The following TLR2 variants were observed in gnomAD, a reference collection of about 807,000 sequenced individuals.
TLR2 encodes the protein toll-like receptor 2.
In TLR2, 7 loss-of-function variants were observed where a neutral mutation model predicts 9.1. The ratio of observed to expected loss-of-function variants is 0.77; its 90% CI spans 0.44 to 1.44. The LOEUF (loss-of-function observed/expected upper bound fraction) is 1.44. Ranked by LOEUF, TLR2 falls within the 40% of genes most tolerant of loss-of-function variation. The pLI, the probability that TLR2 is intolerant of heterozygous loss-of-function variation, is 0.01. For missense variants in TLR2, 812 were observed against 904.6 expected (o/e 0.90, Z 1.31); for synonymous variants, 317 against 344.6 (o/e 0.92, Z 0.89).
rs374122287 is a variant in TLR2 at position 153,704,247 on chromosome 4, G to A, written c.1340G>A (p.Arg447Gln). 217 of 1,614,024 alleles carry A rather than the reference G, an allele frequency of 1.3e-4. No individual in the cohort carries two copies. The Admixed American group carries it at 3.5e-3, about 26-fold the overall frequency. Residue 447 changes from arginine to glutamine, a missense_variant, in exon 3 of 3, where the codon CGA becomes CAA. Coordinates refer to ENST00000642700, the MANE Select transcript of TLR2 (RefSeq NM_001318789.2). Reference protein sequence around the residue: ...KMKYLNLSSTRIHSVTGCIPK... With the variant: ...KMKYLNLSSTQIHSVTGCIPK... Reference sequence around the variant, plus strand: ...AAATATTTGAACTTATCCAGCACACGAATACACAGTGTAACAGGCTGCATT... The same window carrying A: ...AAATATTTGAACTTATCCAGCACACAAATACACAGTGTAACAGGCTGCATT...
rs1369244926 is a variant in TLR2, at chr4:153,704,177, A to T, written c.1270A>T (p.Ser424Cys). Residue 424 changes from serine (S) to cysteine (C), a missense_variant, in exon 3 of 3, where the codon AGT (serine) becomes TGT (cysteine). Coordinates refer to ENST00000642700, the MANE Select transcript of TLR2 (RefSeq NM_001318789.2). ...GACTAACATTGATATCAGTAAGAAT[A>T]GTTTTCATTCTATGCCTGAAACTTG... ...NLTNIDISKNSFHSMPETCQW... is the reference protein window; with the variant it reads ...NLTNIDISKNCFHSMPETCQW... 3.7e-6 allele frequency: 6 copies of T among 1,613,916 alleles called. No homozygotes were observed. The highest frequency in any genetic ancestry group is 3.3e-4 in the Middle Eastern group (2 of 6,084).
rs1006696453 is a variant in TLR2 at position 153,705,484 on chromosome 4, T to C, written c.*222T>C. The C allele has an allele frequency of 8.6e-5, 39 of 453,304 alleles. No individual in the cohort carries two copies. The highest frequency in any genetic ancestry group is 7.9e-4 in the African/African-American group (39 of 49,302). 28.1% of individuals were successfully genotyped at this position (453,304 alleles called of 1,614,324 possible). On this transcript the variant is annotated 3_prime_UTR_variant, in exon 3 of 3. Transcript: ENST00000642700. ...TTTGGTTTTTCTTTTTTCTATGAGATAACCATGATCATAAGTCTATTACTG... is the reference window on the plus strand; with the variant it reads ...TTTGGTTTTTCTTTTTTCTATGAGACAACCATGATCATAAGTCTATTACTG...
At chr4:153,707,125 A>T (rs899584291), downstream of TLR2, among the ~76,000 whole-genome samples, 1 of 152,166 alleles carries the variant, frequency 6.6e-6, no homozygotes. Flanking sequence ...GATATAAGGG[A>T]TCCTGCTGTT....
At chr4:153,710,338 A>G, downstream of TLR2, 1 of 1,526,802 alleles carries the variant, frequency 6.5e-7, no homozygotes, top group Non-Finnish European at 8.9e-7. Flanking sequence ...GATTTCAACC[A>G]TGCAGTATGT....
intron 2 of TLR2, among the ~76,000 whole-genome samples, chr4:153,691,153 C>T (rs1394016716): frequency 1.3e-5 from 2 of 152,080 alleles, no homozygotes; most frequent in Non-Finnish European, 2.9e-5. Context: ...ATTACAAGAC[C>T]CATCTGTAAA....
chr4:153,695,690 C>T (rs1362058070), intron 2 of TLR2, among the ~76,000 whole-genome samples: 1 of 152,088 alleles, frequency 6.6e-6, no homozygotes, highest in Non-Finnish European at 1.5e-5. Context: ...GATGTGATCC[C>T]TTTTGCTCAT....
At chr4:153,695,942 A>C (rs1736463862) in intron 2 of TLR2, among the ~76,000 whole-genome samples, 1 of 152,272 alleles carries the variant, frequency 6.6e-6, no homozygotes, top group Non-Finnish European at 1.5e-5. Context: ...TCCTTTCTGC[A>C]ATGTATGTTC....
At chr4:153,707,968 ATACTT>A (rs1419800054), downstream of TLR2, among the ~76,000 whole-genome samples, 6 of 152,170 alleles carry the variant, frequency 3.9e-5, no homozygotes, top group Non-Finnish European at 8.8e-5. Flanking sequence ...ACCAGAAACT[ATACTT>A]TACCAGCTAT....
intron 2 of TLR2, among the ~76,000 whole-genome samples, chr4:153,695,138 G>C (rs555779371): frequency 6.6e-6 from 1 of 152,194 alleles, no homozygotes; most frequent in Non-Finnish European, 1.5e-5. Flanking sequence ...AAACATGGGC[G>C]TGCAGATATC....
At chr4:153,694,541 T>G (rs970450559) in intron 2 of TLR2, among the ~76,000 whole-genome samples, 14 of 152,232 alleles carry the variant, frequency 9.2e-5, no homozygotes, top group Non-Finnish European at 8.8e-5. Flanking sequence ...TTTTTATTTT[T>G]AATATTTGTG....
chr4:153,698,512 C>T (rs1318435029), intron 2 of TLR2, among the ~76,000 whole-genome samples: 1 of 152,044 alleles, frequency 6.6e-6, no homozygotes, highest in Non-Finnish European at 1.5e-5. Context: ...TTTCTGAGTC[C>T]ATATAGCTGC....
At position 153,704,535 on chromosome 4, in the gene TLR2, C is replaced by T. The variant is rs1228028836; in HGVS notation, c.1628C>T (p.Ser543Phe). ...NNFICSCEFL[S>F]FTQEQQALAK... Reference sequence around the variant, plus strand: ...TTCATTTGCTCCTGTGAATTCCTCTCCTTCACTCAGGAGCAGCAAGCACTG... The same window carrying T: ...TTCATTTGCTCCTGTGAATTCCTCTTCTTCACTCAGGAGCAGCAAGCACTG... The change falls in exon 3 of 3, where the codon TCC becomes TTC. Residue 543 changes from serine to phenylalanine, a missense_variant. By Grantham distance (155) the Ser-to-Phe change is radical (BLOSUM62 -2). Transcript: ENST00000642700. 1.2e-6 allele frequency: 2 copies of T among 1,613,998 alleles called. No homozygotes were observed. The highest frequency in any genetic ancestry group is 1.7e-6 in the Non-Finnish European group (2 of 1,179,922).
chr4:153,694,423 C>T (rs1367315379), intron 2 of TLR2, among the ~76,000 whole-genome samples: 2 of 152,248 alleles, frequency 1.3e-5, no homozygotes, highest in Admixed American at 6.5e-5. Context: ...GGCCTGTTCC[C>T]AACAGTGGAC....
At position 153,703,688 on chromosome 4, in the gene TLR2, A is replaced by G. The variant is rs1252593080; in HGVS notation, c.781A>G (p.Ile261Val). The G allele has an allele frequency of 1.2e-6, 2 of 1,612,828 alleles. No individual in the cohort carries two copies. The highest frequency in any genetic ancestry group is 1.7e-6 in the Non-Finnish European group (2 of 1,179,754). The stretch of plus-strand genomic sequence containing the variant: ...AAAGTTTACATTTAGAAATGTGAAA[A>G]TCACCGATGAAAGTTTGTTTCAGGT... ...IKKFTFRNVK[I>V]TDESLFQVMK... Residue 261 changes from isoleucine to valine, a missense_variant, in exon 3 of 3, where the codon ATC becomes GTC. Coordinates refer to ENST00000642700, the MANE Select transcript of TLR2 (RefSeq NM_001318789.2).
downstream of TLR2, among the ~76,000 whole-genome samples, chr4:153,706,563 C>A (rs1639440923): frequency 6.6e-6 from 1 of 152,110 alleles, no homozygotes; most frequent in South Asian, 2.1e-4. Context: ...GATACTACTA[C>A]CATATGTTAA....
chr4:153,703,030 A>G lies in TLR2; in HGVS notation c.123A>G (p.Gly41=), dbSNP rs775110764. 1.2e-6 allele frequency: 2 copies of G among 1,613,922 alleles called. No homozygotes were observed. The highest frequency in any genetic ancestry group is 1.7e-6 in the Non-Finnish European group (2 of 1,179,986). Residue 41 remains glycine (G), a synonymous_variant, in exon 3 of 3, where the codon GGA becomes GGG. Transcript: ENST00000642700. ...DRNGICKGSS[G]SLNSIPSGLT... The stretch of plus-strand genomic sequence containing the variant: ...ATGGTATCTGCAAGGGCAGCTCAGG[A>G]TCTTTAAACTCCATTCCCTCAGGGC...
At chr4:153,709,726 A>C (rs1737441927), downstream of TLR2, among the ~76,000 whole-genome samples, 1 of 152,282 alleles carries the variant, frequency 6.6e-6, no homozygotes, top group Non-Finnish European at 1.5e-5. Context: ...ACGCGCACGC[A>C]GAGTGGAACA....
At chr4:153,708,181 G>T (rs1328851374), downstream of TLR2, among the ~76,000 whole-genome samples, 1 of 152,136 alleles carries the variant, frequency 6.6e-6, no homozygotes. Context: ...AACTCTGAGG[G>T]TCATTGTGAA....
intron 2 of TLR2, among the ~76,000 whole-genome samples, chr4:153,695,086 G>A (rs192387514): frequency 1.3e-4 from 20 of 152,194 alleles, no homozygotes; most frequent in Admixed American, 1.2e-3. Context: ...GTGGACACTT[G>A]GATTGCTTCT....
Sources: allele counts gnomAD v4.1 joint callset (sites outside exome capture counted in the v4.1 genomes callset), GRCh38; gene constraint gnomAD v4.1.1; transcripts MANE v1.5; gene names NCBI Gene and HGNC (gene_info 2026-07-23, HGNC 2026-07-21).